Variants in KIF9 observed in about 807,000 individuals in gnomAD.
KIF9 encodes kinesin-like protein KIF9.
A neutral mutation model predicts 94.8 loss-of-function variants in KIF9; 68 were observed. The ratio of observed to expected loss-of-function variants is 0.72; its 90% CI spans 0.59 to 0.88. The LOEUF (loss-of-function observed/expected upper bound fraction) is 0.88. Among genes scored for constraint, KIF9 ranks in the 40% least tolerant of loss-of-function variants. The pLI is 0.00. For missense variants in KIF9, 882 were observed against 982.5 expected, an observed-to-expected ratio of 0.90 and a Z score of 1.37; for synonymous variants, 343 against 362.1, an observed-to-expected ratio of 0.95 and a Z score of 0.60.
intron 9 of KIF9, among the ~76,000 whole-genome samples, chr3:47,259,523 G>A (rs901166996): frequency 2.6e-5 from 4 of 152,182 alleles, no homozygotes; most frequent in African/African-American, 9.7e-5. Context: ...GGCAGATAAT[G>A]GGTAGGTAAG....
At position 47,282,258 on chromosome 3, in the gene KIF9, C is replaced by A. The variant is rs1702426115; in HGVS notation, c.-6+237G>T. 6.1e-6 allele frequency: 6 copies of A among 985,604 alleles called. No homozygotes were observed. The South Asian group carries it at 1.9e-4, about 31-fold the overall frequency. The allele number at this position is 985,604 out of a possible 1,614,324, so 61.1% of individuals were successfully genotyped here. ...TGCCTCACGGCCTCTATGTCCTGGACGCGACGTGGGACCCCTTTGTGGGAC... is the reference window on the plus strand; with the variant it reads ...TGCCTCACGGCCTCTATGTCCTGGAAGCGACGTGGGACCCCTTTGTGGGAC... On this transcript the variant is annotated intron_variant, in intron 1 of 20. Transcript: ENST00000684063.
chr3:47,241,876 AT>A (rs1699570803), intron 16 of KIF9, among the ~76,000 whole-genome samples: 1 of 106,558 alleles, frequency 9.4e-6, no homozygotes, highest in African/African-American at 3.9e-5. Context: ...ATATATATAT[AT>A]ATATATATTT....
chr3:47,230,257 G>T (rs1296898808), intron 20 of KIF9, among the ~76,000 whole-genome samples: 2 of 150,224 alleles, frequency 1.3e-5, no homozygotes, highest in African/African-American at 4.9e-5. Flanking sequence ...CCTCCAGCTT[G>T]GGTGACAGAG....
rs529087759 is a variant in KIF9 at position 47,265,814 on chromosome 3, C to T, written c.832G>A (p.Ala278Thr). Residue 278 changes from alanine to threonine, a missense_variant, in exon 8 of 21, where the codon GCC becomes ACC. By Grantham distance (58) the Ala-to-Thr change is moderately conservative. Coordinates refer to ENST00000684063, the MANE Select transcript of KIF9 (RefSeq NM_182902.4). ...INKSLSFLEQ[A>T]IIALGDQKRD... Reference sequence around the variant, plus strand: ...TTCTGGTCCCCAAGGGCAATGATGGCCTGCTCCAGGAATGAGAGCGATTTG... The same window carrying T: ...TTCTGGTCCCCAAGGGCAATGATGGTCTGCTCCAGGAATGAGAGCGATTTG... 2.1e-5 allele frequency: 34 copies of T among 1,614,182 alleles called. No homozygotes were observed. In the East Asian group the frequency reaches 6.9e-4, roughly 33 times the overall value.
At chr3:47,277,443 G>T in intron 1 of KIF9, 64 bp from the exon 2 acceptor site, 2 of 1,070,280 alleles carry the variant, frequency 1.9e-6, no homozygotes, top group Non-Finnish European at 2.9e-6. Context: ...GAGGAGAGGG[G>T]TCATTCATTA....
intron 20 of KIF9, among the ~76,000 whole-genome samples, chr3:47,231,319 C>A (rs1698558649): frequency 6.6e-6 from 1 of 151,968 alleles, no homozygotes; most frequent in Admixed American, 6.6e-5. Context: ...AAGTGTGCTA[C>A]CCCAAGTGTG....
intron 5 of KIF9, among the ~76,000 whole-genome samples, chr3:47,267,795 A>G (rs1701378560): frequency 1.3e-5 from 2 of 151,354 alleles, no homozygotes; most frequent in South Asian, 4.2e-4. Flanking sequence ...TTTTTTATAC[A>G]GTTTTGTGGG....
chr3:47,272,249 C>T (rs538417417), intron 4 of KIF9, among the ~76,000 whole-genome samples: 223 of 152,270 alleles, frequency 1.5e-3, no homozygotes, highest in Non-Finnish European at 2.4e-3. Flanking sequence ...AGGGATAATT[C>T]CTGAGGTCCT....
intron 20 of KIF9, among the ~76,000 whole-genome samples, chr3:47,232,348 G>A (rs1305029292): frequency 1.3e-5 from 2 of 151,758 alleles, no homozygotes; most frequent in African/African-American, 4.8e-5. Flanking sequence ...GCAGTGGTGC[G>A]ATCTCAGCTC....
At chr3:47,260,149 G>A (rs1309335733) in intron 9 of KIF9, among the ~76,000 whole-genome samples, 3 of 129,390 alleles carry the variant, frequency 2.3e-5, no homozygotes, top group African/African-American at 8.9e-5. Flanking sequence ...CAGCAATACT[G>A]CTTTGTAAAG....
intron 1 of KIF9, among the ~76,000 whole-genome samples, chr3:47,278,062 G>A (rs965391332): frequency 2.0e-5 from 3 of 151,652 alleles, no homozygotes; most frequent in South Asian, 2.1e-4. Flanking sequence ...GAAGACATAG[G>A]ACATATATAC....
rs748758643 is a variant in KIF9, at chr3:47,267,175, C to T, written c.675+5G>A. The T allele has an allele frequency of 1.2e-5, 19 of 1,611,422 alleles. No homozygotes were observed. In the Middle Eastern group the frequency reaches 1.3e-3, roughly 112 times the overall value. ...GCCTGGGCTGATCAAAGAGCTTGCA[C>T]CTACCTCTAAGTAGATGGTGAAAAT... is the stretch of plus-strand genomic sequence containing the variant. On this transcript the variant is annotated splice_donor_5th_base_variant and intron_variant, in intron 6 of 20. Transcript: ENST00000684063.
chr3:47,244,695 G>C, intron 15 of KIF9, 96 bp downstream of exon 15: 1 of 1,467,298 alleles, frequency 6.8e-7, no homozygotes, highest in Non-Finnish European at 9.4e-7. Flanking sequence ...CCCAGTAGCT[G>C]AGACACCAGG....
Position 47,228,721 on chromosome 3 carries a change from G to A in KIF9, c.2323-19C>T. ...AATTATGCTGGACACAGAGGGAAGAGAAAACAGGAACTTATTAGGAGGGAC... is the reference window on the plus strand; with the variant it reads ...AATTATGCTGGACACAGAGGGAAGAAAAAACAGGAACTTATTAGGAGGGAC... On this transcript the variant is annotated intron_variant, in intron 20 of 20. Transcript: ENST00000684063. 2.5e-6 allele frequency: 4 copies of A among 1,610,168 alleles called. No individual in the cohort carries two copies. The highest frequency in any genetic ancestry group is 3.4e-6 in the Non-Finnish European group (4 of 1,176,450).
intron 10 of KIF9, among the ~76,000 whole-genome samples, chr3:47,255,746 C>T (rs1055277773): frequency 7.0e-6 from 1 of 143,108 alleles, no homozygotes; most frequent in Non-Finnish European, 1.5e-5. Context: ...TCCCTCTCCC[C>T]ACGGTCTCCC....
intron 1 of KIF9, 98 bp downstream of exon 1, chr3:47,282,397 C>T (rs1214394986): frequency 1.0e-6 from 1 of 986,396 alleles, no homozygotes; most frequent in Non-Finnish European, 1.2e-6. Context: ...TGGGAACCCC[C>T]AGATAAAGCG....
chr3:47,257,132 T>A (rs367819457), intron 10 of KIF9, among the ~76,000 whole-genome samples: 4 of 151,662 alleles, frequency 2.6e-5, no homozygotes, highest in East Asian at 1.9e-4. Context: ...CACCCAAGAA[T>A]GATCAATAAA....
At chr3:47,266,386 G>A (rs1171500086) in intron 7 of KIF9, among the ~76,000 whole-genome samples, 1 of 152,206 alleles carries the variant, frequency 6.6e-6, no homozygotes, top group Non-Finnish European at 1.5e-5. Flanking sequence ...GCTCACACTT[G>A]TAATCCCAGC....
intron 10 of KIF9, among the ~76,000 whole-genome samples, chr3:47,253,701 T>C (rs764035065): frequency 3.3e-5 from 5 of 152,214 alleles, no homozygotes; most frequent in Non-Finnish European, 7.3e-5. Context: ...ACTTCAGGCA[T>C]CTAGTCTTTT....
Sources: gnomAD v4.1 joint callset for allele counts (sites outside exome capture counted in the v4.1 genomes callset) on GRCh38, gnomAD v4.1.1 for gene constraint, MANE v1.5 for transcripts, NCBI Gene and HGNC (gene_info 2026-07-23, HGNC 2026-07-21) for gene names.